ITPR2: variants seen among roughly 807,000 people sequenced by gnomAD.
The protein encoded by ITPR2 is inositol 1,4,5-trisphosphate-gated calcium channel ITPR2.
In ITPR2, 207 loss-of-function variants were observed where a neutral mutation model predicts 317.1. That is an observed-to-expected ratio of 0.65 (90% CI 0.58 to 0.73). The LOEUF is 0.73. Among genes scored for constraint, ITPR2 ranks in the 30% least tolerant of loss-of-function variants. The pLI is 0.00. For missense variants in ITPR2, 2,613 were observed against 3,284.0 expected (o/e 0.80, Z 4.99); for synonymous variants, 1,156 against 1,149.1 (o/e 1.01, Z -0.12).
At position 26,513,920 on chromosome 12, in the gene ITPR2, T is replaced by C. The variant is rs964361652; in HGVS notation, c.5074-18660A>G. On this transcript the variant is annotated intron_variant, in intron 37 of 56. Coordinates refer to ENST00000381340, the MANE Select transcript of ITPR2 (RefSeq NM_002223.4). The stretch of plus-strand genomic sequence containing the variant: ...CAAAATGATCTCTAACATCCACTTG[T>C]TGTGTTTCCACCAAATTTGTCATTT... Among the ~76,000 whole-genome samples, 4 of 146,992 alleles carry C rather than the reference T, an allele frequency of 2.7e-5. No homozygotes were observed. In the Admixed American group the frequency reaches 2.7e-4, roughly 10 times the overall value.
intron 2 of ITPR2, among the ~76,000 whole-genome samples, chr12:26,773,369 C>A (rs61920191): frequency 0.16 from 24,625 of 152,154 alleles, 2,723 homozygotes; most frequent in Non-Finnish European, 0.24. Flanking sequence ...TTTAGACACA[C>A]AACTCACTTC....
chr12:26,607,211 T>C (rs1692954549), intron 26 of ITPR2, among the ~76,000 whole-genome samples: 1 of 152,204 alleles, frequency 6.6e-6, no homozygotes, highest in African/African-American at 2.4e-5. Context: ...GTGCAACCAT[T>C]CTTTAAACCA....
intron 2 of ITPR2, among the ~76,000 whole-genome samples, chr12:26,758,269 T>G (rs1267898564): frequency 6.6e-6 from 1 of 152,246 alleles, no homozygotes; most frequent in Non-Finnish European, 1.5e-5. Flanking sequence ...ATGTCTCCTT[T>G]TCTAAGTTAT....
At chr12:26,727,001 A>C (rs1170597822) in intron 2 of ITPR2, among the ~76,000 whole-genome samples, 1 of 152,200 alleles carries the variant, frequency 6.6e-6, no homozygotes, top group Non-Finnish European at 1.5e-5. Flanking sequence ...GATATGGATA[A>C]GTAAATATCT....
chr12:26,478,032 T>C (rs1268194804), intron 43 of ITPR2, among the ~76,000 whole-genome samples: 1 of 152,160 alleles, frequency 6.6e-6, no homozygotes, highest in Non-Finnish European at 1.5e-5. Context: ...AAAGTTAACA[T>C]ATCATAGAAT....
intron 55 of ITPR2, among the ~76,000 whole-genome samples, chr12:26,345,114 G>T (rs1057113897): frequency 2.0e-5 from 3 of 151,670 alleles, no homozygotes; most frequent in East Asian, 3.9e-4. Flanking sequence ...ATATTTTAGG[G>T]TTCCTTTTCT....
intron 9 of ITPR2, among the ~76,000 whole-genome samples, chr12:26,697,115 A>G (rs1466389852): frequency 6.6e-6 from 1 of 152,194 alleles, no homozygotes; most frequent in African/African-American, 2.4e-5. Context: ...AGTCCATAGA[A>G]TCCATAGAGT....
At chr12:26,494,080 T>C (rs1942874903) in intron 39 of ITPR2, 73 bp downstream of exon 39, 1 of 1,202,402 alleles carries the variant, frequency 8.3e-7, no homozygotes, top group African/African-American at 1.6e-5. Flanking sequence ...ACATTACTTT[T>C]CCTTGGTTTC....
intron 1 of ITPR2, among the ~76,000 whole-genome samples, chr12:26,828,226 A>T (rs1236660069): frequency 1.3e-5 from 2 of 151,604 alleles, no homozygotes; most frequent in Non-Finnish European, 2.9e-5. Context: ...CTGTCTTTGA[A>T]GCAGAAAGTG....
intron 1 of ITPR2, among the ~76,000 whole-genome samples, chr12:26,827,946 G>A (rs1260778788): frequency 2.6e-5 from 4 of 152,162 alleles, no homozygotes. Context: ...TGTGCAATTT[G>A]ACATGCAAAA....
At chr12:26,388,671 C>T (rs2136630981) in intron 54 of ITPR2, among the ~76,000 whole-genome samples, 1 of 151,912 alleles carries the variant, frequency 6.6e-6, no homozygotes, top group South Asian at 2.1e-4. Flanking sequence ...CACAATGTTG[C>T]CCAGCCTGAA....
chr12:26,385,833 T>C (rs1350521417), intron 55 of ITPR2, among the ~76,000 whole-genome samples: 2 of 151,376 alleles, frequency 1.3e-5, no homozygotes, highest in African/African-American at 2.4e-5. Flanking sequence ...CCTGCTCTCA[T>C]TGGATGCCAC....
At chr12:26,772,415 T>TATATATATTATATATAAAATATATATATA (rs1949861954) in intron 2 of ITPR2, among the ~76,000 whole-genome samples, 2 of 120,974 alleles carry the variant, frequency 1.7e-5, no homozygotes, top group Non-Finnish European at 1.8e-5. Flanking sequence ...TATACACATT[T>TATATATATTATATATAAAATATATATATA]ATATATATTA....
chr12:26,528,078 C>T (rs922865513), intron 37 of ITPR2, among the ~76,000 whole-genome samples: 6 of 152,194 alleles, frequency 3.9e-5, no homozygotes, highest in East Asian at 3.8e-4. Flanking sequence ...ATATTCTAAG[C>T]GGCTTGCCCC....
At chr12:26,697,500 T>C (rs767760115) in intron 9 of ITPR2, among the ~76,000 whole-genome samples, 31 of 152,150 alleles carry the variant, frequency 2.0e-4, no homozygotes, top group Non-Finnish European at 3.2e-4. Context: ...CATAAAGAGC[T>C]AAAATGATAG....
At chr12:26,636,237 C>A (rs1946862710) in intron 21 of ITPR2, among the ~76,000 whole-genome samples, 1 of 152,192 alleles carries the variant, frequency 6.6e-6, no homozygotes, top group Non-Finnish European at 1.5e-5. Flanking sequence ...CCTCTTCTGG[C>A]CACCCTCTCT....
At position 26,399,058 on chromosome 12, in the gene ITPR2, T is replaced by TA. The variant is rs575839834; in HGVS notation, c.7531-18dup. The stretch of plus-strand genomic sequence containing the variant: ...CAAGGGCTCCTGAAATAAAAATATT[T>TA]AAAAAAATCACACTAGGCATAGTGA... On this transcript the variant is annotated splice_polypyrimidine_tract_variant and intron_variant, in intron 53 of 56. Transcript: ENST00000381340. 7.2e-4 allele frequency: 1,109 copies of TA among 1,548,890 alleles called. 3 individuals are homozygous for TA. Among genetic ancestry groups the TA allele is most frequent in the Middle Eastern group, 5.0e-3 (26 of 5,196 alleles).
chr12:26,563,801 C>A (rs1038462636), intron 34 of ITPR2, among the ~76,000 whole-genome samples: 5 of 152,144 alleles, frequency 3.3e-5, no homozygotes, highest in Non-Finnish European at 7.3e-5. Flanking sequence ...TCCAGGTCAG[C>A]CCTGTCATTT....
At chr12:26,391,947 T>C (rs1939864662) in intron 54 of ITPR2, among the ~76,000 whole-genome samples, 1 of 152,038 alleles carries the variant, frequency 6.6e-6, no homozygotes, top group Admixed American at 6.5e-5. Context: ...CAGGGGAAGA[T>C]TGGGATAAGA....
Sources: allele counts gnomAD v4.1 joint callset (sites outside exome capture counted in the v4.1 genomes callset), GRCh38; gene constraint gnomAD v4.1.1; transcripts MANE v1.5; gene names NCBI Gene and HGNC (gene_info 2026-07-23, HGNC 2026-07-21).